The following PVT1 variants were observed in gnomAD, a reference collection of about 807,000 sequenced individuals.
PVT1 encodes Pvt1 oncogene, also known as CXCR4/PVT1 fusion.
intron 4 of PVT1, among the ~76,000 whole-genome samples, chr8:127,991,402 G>A (rs1436850780): frequency 2.0e-5 from 3 of 151,846 alleles, no homozygotes; most frequent in Non-Finnish European, 4.4e-5. Context: ...CCTTGGCCTC[G>A]TAGCTCTTTT....
chr8:128,062,298 A>T (rs987446069), intron 4 of PVT1, among the ~76,000 whole-genome samples: 6 of 152,244 alleles, frequency 3.9e-5, no homozygotes, highest in African/African-American at 1.4e-4. Flanking sequence ...ATCTATGAGG[A>T]GGAAGAAACC....
chr8:128,016,010 C>T (rs59219772), intron 4 of PVT1, among the ~76,000 whole-genome samples: 26,675 of 151,942 alleles, frequency 0.18, 2,608 homozygotes, highest in South Asian at 0.33. Flanking sequence ...AAGTTCTAGA[C>T]GAGCTTTAGA....
intron 2 of PVT1, chr8:127,796,118 T>A (rs1356443562): frequency 5.9e-6 from 1 of 169,868 alleles, no homozygotes; most frequent in Non-Finnish European, 1.5e-5. Flanking sequence ...CCCAGAGGGA[T>A]TTGTTAAGTG....
At chr8:127,855,232 T>G in intron 2 of PVT1, 1 of 398,730 alleles carries the variant, frequency 2.5e-6, no homozygotes. Context: ...GCTGTCACTG[T>G]GGATTGAGCC....
chr8:127,840,478 A>T (rs900173746), intron 2 of PVT1, among the ~76,000 whole-genome samples: 1 of 152,260 alleles, frequency 6.6e-6, no homozygotes, highest in Non-Finnish European at 1.5e-5. Flanking sequence ...GAGTTACAGC[A>T]TTTAAATCTT....
chr8:127,979,715 C>T (rs565489846), intron 3 of PVT1, among the ~76,000 whole-genome samples: 1 of 152,258 alleles, frequency 6.6e-6, no homozygotes, highest in South Asian at 2.1e-4. Flanking sequence ...TTTCATGTGC[C>T]CCCGACCCCA....
chr8:127,851,916 C>T (rs949169306), intron 2 of PVT1: 1 of 152,370 alleles, frequency 6.6e-6, no homozygotes, highest in Non-Finnish European at 1.5e-5. Flanking sequence ...CTCACAGTCT[C>T]TGTTCTTGCC....
At chr8:128,066,315 A>T (rs188942899) in intron 4 of PVT1, among the ~76,000 whole-genome samples, 16 of 152,280 alleles carry the variant, frequency 1.1e-4, no homozygotes, top group Admixed American at 1.3e-4. Flanking sequence ...AACCCTCCAG[A>T]GGTCATTCTC....
chr8:127,958,643 C>T (rs553931275), intron 3 of PVT1, among the ~76,000 whole-genome samples: 11 of 152,224 alleles, frequency 7.2e-5, no homozygotes, highest in East Asian at 3.9e-4. Flanking sequence ...GAAAGTCAGG[C>T]GCCAGAGGTA....
At chr8:127,854,469 C>T (rs1327298533) in intron 2 of PVT1, among the ~76,000 whole-genome samples, 1 of 152,182 alleles carries the variant, frequency 6.6e-6, no homozygotes, top group East Asian at 1.9e-4. Flanking sequence ...TCCCTCAGAG[C>T]ATTTAAAGGG....
chr8:127,827,749 C>T (rs1408291907), intron 2 of PVT1, among the ~76,000 whole-genome samples: 1 of 152,122 alleles, frequency 6.6e-6, no homozygotes, highest in East Asian at 1.9e-4. Context: ...GGCCCCAGAC[C>T]ATGAGTCTTG....
chr8:127,931,024 C>A (rs1469368228), intron 3 of PVT1, among the ~76,000 whole-genome samples: 1 of 152,160 alleles, frequency 6.6e-6, no homozygotes, highest in African/African-American at 2.4e-5. Context: ...TCCCCTTCAG[C>A]GTCCCTAGTA....
At chr8:127,829,430 C>G (rs1814826804) in intron 2 of PVT1, among the ~76,000 whole-genome samples, 1 of 152,216 alleles carries the variant, frequency 6.6e-6, no homozygotes, top group South Asian at 2.1e-4. Flanking sequence ...GTAGCCAGTT[C>G]TTCTCTCCTT....
intron 2 of PVT1, among the ~76,000 whole-genome samples, chr8:127,835,821 G>A (rs1814903132): frequency 6.6e-6 from 1 of 152,164 alleles, no homozygotes; most frequent in African/African-American, 2.4e-5. Context: ...GAATTCATTT[G>A]TTAGATAGAC....
intron 2 of PVT1, among the ~76,000 whole-genome samples, chr8:127,832,675 G>A (rs1223826150): frequency 6.6e-6 from 1 of 152,126 alleles, no homozygotes; most frequent in Non-Finnish European, 1.5e-5. Context: ...TGGCTAACAT[G>A]GTGAAACCCC....
At chr8:127,803,790 A>T (rs1400452606) in intron 2 of PVT1, among the ~76,000 whole-genome samples, 4 of 148,908 alleles carry the variant, frequency 2.7e-5, no homozygotes, top group African/African-American at 9.9e-5. Flanking sequence ...GTGAGATCTC[A>T]GCTCACTGCA....
chr8:128,037,940 A>T (rs2130082044), intron 4 of PVT1, among the ~76,000 whole-genome samples: 1 of 152,306 alleles, frequency 6.6e-6, no homozygotes, highest in Non-Finnish European at 1.5e-5. Flanking sequence ...CCTGTGAGGG[A>T]GTTTATCAAC....
intron 3 of PVT1, among the ~76,000 whole-genome samples, chr8:127,985,342 G>A (rs1190057609): frequency 6.6e-6 from 1 of 151,600 alleles, no homozygotes; most frequent in African/African-American, 2.4e-5. Flanking sequence ...TTCCAGGCTG[G>A]TTTCAATCTT....
intron 3 of PVT1, among the ~76,000 whole-genome samples, chr8:127,928,006 G>A (rs1391326350): frequency 1.3e-5 from 2 of 152,166 alleles, no homozygotes; most frequent in Non-Finnish European, 2.9e-5. Context: ...CTGGTAGAGG[G>A]GCCATCTCCC....
Sources: gnomAD v4.1 joint callset for allele counts (sites outside exome capture counted in the v4.1 genomes callset) on GRCh38, gnomAD v4.1.1 for gene constraint, MANE v1.5 for transcripts, NCBI Gene and HGNC (gene_info 2026-07-23, HGNC 2026-07-21) for gene names.